The following ZNF488 variants were observed in gnomAD, a reference collection of about 807,000 sequenced individuals.
The protein encoded by ZNF488 is zinc finger protein 488.
In ZNF488, 1 loss-of-function variant was observed where a neutral mutation model predicts 1.2. The observed-to-expected ratio is 0.86, with a 90% CI of 0.30 to 4.07. The LOEUF is 4.07. Ranked by LOEUF, ZNF488 falls within the 30% of genes most tolerant of loss-of-function variation. ZNF488 has a pLI of 0.18. For missense variants in ZNF488, 450 were observed against 437.9 expected (o/e 1.03, Z -0.25); for synonymous variants, 185 against 190.1 (o/e 0.97, Z 0.22).
At chr10:47,382,570 C>G (rs896359255) in intron 1 of ZNF488, among the ~76,000 whole-genome samples, 5 of 152,170 alleles carry the variant, frequency 3.3e-5, no homozygotes, top group African/African-American at 7.2e-5. Flanking sequence ...TCCCTCCCCC[C>G]AGAATCCGCA....
In ZNF488 at chr10:47,366,467, T is replaced by C. The variant is rs1247079025; in HGVS notation, c.*1340A>G. The C allele has an allele frequency of 6.0e-6, 1 of 167,110 alleles. No homozygotes were observed. Among genetic ancestry groups the C allele is most frequent in the Non-Finnish European group, 1.5e-5 (1 of 68,196 alleles). The allele number at this position is 167,110 out of a possible 1,614,324, so 10.4% of individuals were successfully genotyped here. A position where few individuals can be genotyped will look rare whatever the true frequency, so the allele number is the denominator to read the frequency against. On this transcript the variant is annotated 3_prime_UTR_variant, in exon 2 of 2. Transcript: ENST00000585316. ...ATCCCCACCTGCTCAGCTGGGCTTATTCCCAGCCACAAGCCTGAGATCTGT... is the reference window on the plus strand; with the variant it reads ...ATCCCCACCTGCTCAGCTGGGCTTACTCCCAGCCACAAGCCTGAGATCTGT...
chr10:47,368,600 A>G lies in ZNF488; in HGVS notation c.230T>C (p.Leu77Ser). ...RDVGSAELAL[L>S]VAPGKPRPGK... The stretch of plus-strand genomic sequence containing the variant: ...AGGTCGGGGCTTGCCTGGGGCTACC[A>G]ACAGTGCCAGCTCCGCACTGCCCAC... Residue 77 changes from leucine to serine, a missense_variant, in exon 2 of 2, where the codon TTG (leucine) becomes TCG (serine). Leu to Ser is a moderately radical substitution (Grantham distance 145). Coordinates refer to ENST00000585316, the MANE Select transcript of ZNF488 (RefSeq NM_153034.4). The G allele has an allele frequency of 6.2e-7, 1 of 1,610,664 alleles. No homozygotes were observed. The highest frequency in any genetic ancestry group is 8.5e-7 in the Non-Finnish European group (1 of 1,179,852).
intron 1 of ZNF488, among the ~76,000 whole-genome samples, chr10:47,378,700 G>T (rs190016543): frequency 3.2e-4 from 49 of 152,338 alleles, no homozygotes; most frequent in African/African-American, 1.0e-3. Flanking sequence ...GGATAAATCA[G>T]AGAGAAAGCA....
rs1403942972 is a variant in ZNF488, at chr10:47,368,890, A to G, written c.-61T>C. The G allele has an allele frequency of 1.5e-5, 23 of 1,523,404 alleles. No individual in the cohort carries two copies. In the South Asian group the frequency reaches 2.6e-4, roughly 17 times the overall value. 94.4% of individuals were successfully genotyped at this position (1,523,404 alleles called of 1,614,324 possible). Reference sequence around the variant, plus strand: ...TTGGCCCAGCAAGGAGCCATGAGATATGGAAGCTCCCCATGACACTGGGCT... The same window carrying G: ...TTGGCCCAGCAAGGAGCCATGAGATGTGGAAGCTCCCCATGACACTGGGCT... On this transcript the variant is annotated 5_prime_UTR_variant, in exon 2 of 2. Transcript: ENST00000585316.
chr10:47,368,494 C>A lies in ZNF488; in HGVS notation c.336G>T (p.Gln112His), dbSNP rs1555213273. 1 of 1,613,844 alleles carries A rather than the reference C, an allele frequency of 6.2e-7. No homozygotes were observed. Among genetic ancestry groups the A allele is most frequent in the South Asian group, 1.1e-5 (1 of 91,058 alleles). The stretch of plus-strand genomic sequence containing the variant: ...CCCTCTCCTGGGCCTGAGCATCCAC[C>A]TGCCGGTCCTTCATCCTCGGCAGCT... ...FTELPRMKDR[Q>H]VDAQAQEREH... Residue 112 changes from glutamine to histidine, a missense_variant, in exon 2 of 2, where the codon CAG becomes CAT. Gln to His is a conservative substitution (Grantham distance 24, BLOSUM62 0). Coordinates refer to ENST00000585316, the MANE Select transcript of ZNF488 (RefSeq NM_153034.4).
At chr10:47,377,336 T>C (rs1837715203) in intron 1 of ZNF488, among the ~76,000 whole-genome samples, 3 of 152,148 alleles carry the variant, frequency 2.0e-5, no homozygotes, top group Admixed American at 2.0e-4. Context: ...ATCCCGGTCT[T>C]TTTTGAGCTT....
chr10:47,368,305 C>T lies in ZNF488; in HGVS notation c.525G>A (p.Glu175=). The T allele has an allele frequency of 6.2e-7, 1 of 1,614,226 alleles. No individual in the cohort carries two copies. The highest frequency in any genetic ancestry group is 1.7e-5 in the Admixed American group (1 of 60,036). ...CCCCTGCAGGGAAGACTGAGGTTAG[C>T]TCAGGCCTCTCTGCTGGTCGCTTGG... ...KPTKRPAERP[E]LTSVFPAGES... Residue 175 remains glutamate, a synonymous_variant, in exon 2 of 2, where the codon GAG becomes GAA. Coordinates refer to ENST00000585316, the MANE Select transcript of ZNF488 (RefSeq NM_153034.4).
In ZNF488 at chr10:47,368,521, C is replaced by G. The variant is rs376864541; in HGVS notation, c.309G>C (p.Thr103=). ...GCCGGTCCTTCATCCTCGGCAGCTC[C>G]GTGAAGGCGCTCTGCCTCTGCTCTC... ...TRGEQRQSAF[T]ELPRMKDRQV... The change falls in exon 2 of 2, where the codon ACG becomes ACC. Residue 103 remains threonine, a synonymous_variant. Coordinates refer to ENST00000585316, the MANE Select transcript of ZNF488 (RefSeq NM_153034.4). The G allele has an allele frequency of 4.3e-6, 7 of 1,613,660 alleles. No homozygotes were observed. The South Asian group carries it at 6.6e-5, about 15-fold the overall frequency.
rs782061773 is a variant in ZNF488 at position 47,365,888 on chromosome 10, C to A, written c.*1919G>T. 1.2e-5 allele frequency: 2 copies of A among 167,176 alleles called. No individual in the cohort carries two copies. Among genetic ancestry groups the A allele is most frequent in the African/African-American group, 2.4e-5 (1 of 41,462 alleles). The allele number at this position is 167,176 out of a possible 1,614,324, so 10.4% of individuals were successfully genotyped here. ...CAGAACACGGGAGCAGACAGTGGAA[C>A]AGCAGCGAGGTGGTATAGCGGGGTC... is the stretch of plus-strand genomic sequence containing the variant. On this transcript the variant is annotated 3_prime_UTR_variant, in exon 2 of 2. Coordinates refer to ENST00000585316, the MANE Select transcript of ZNF488 (RefSeq NM_153034.4).
rs1837318931 is a variant in ZNF488 at position 47,368,449 on chromosome 10, G to C, written c.381C>G (p.Gly127=). ...AQEREHDDPT[G]QPGAPQLTQN... is the part of the protein sequence containing the mutation. ...GGGTCAGCTGTGGGGCACCAGGTTGGCCTGTGGGGTCATCGTGCTCCCTCT... is the reference window on the plus strand; with the variant it reads ...GGGTCAGCTGTGGGGCACCAGGTTGCCCTGTGGGGTCATCGTGCTCCCTCT... The change falls in exon 2 of 2, where the codon GGC becomes GGG. Residue 127 remains glycine, a synonymous_variant. Transcript: ENST00000585316. 1 of 1,614,088 alleles carries C rather than the reference G, an allele frequency of 6.2e-7. No homozygotes were observed. The highest frequency in any genetic ancestry group is 8.5e-7 in the Non-Finnish European group (1 of 1,180,032).
At chr10:47,370,110 G>C (rs1837408646) in intron 1 of ZNF488, among the ~76,000 whole-genome samples, 2 of 152,212 alleles carry the variant, frequency 1.3e-5, no homozygotes, top group African/African-American at 4.8e-5. Flanking sequence ...TTCCCATAGG[G>C]CCAAGGGAGG....
chr10:47,369,129 G>A (rs1200263843), intron 1 of ZNF488, among the ~76,000 whole-genome samples, 192 bp from the exon 2 acceptor site: 1 of 152,358 alleles, frequency 6.6e-6, no homozygotes, highest in East Asian at 1.9e-4. Flanking sequence ...CCACCTCCCT[G>A]AGGCAGAGTA....
In ZNF488 at chr10:47,366,459, TG is replaced by T. The variant is rs1565773278; in HGVS notation, c.*1347del. 1 of 167,152 alleles carries T rather than the reference TG, an allele frequency of 6.0e-6. No individual in the cohort carries two copies. Among genetic ancestry groups the T allele is most frequent in the Non-Finnish European group, 1.5e-5 (1 of 68,224 alleles). The allele number at this position is 167,152 out of a possible 1,614,324, so 10.4% of individuals were successfully genotyped here. On this transcript the variant is annotated 3_prime_UTR_variant, in exon 2 of 2. Coordinates refer to ENST00000585316, the MANE Select transcript of ZNF488 (RefSeq NM_153034.4). ...TGGCTGAGATCCCCACCTGCTCAGC[TG>T]GGCTTATTCCCAGCCACAAGCCTGA...
At chr10:47,382,688 A>G (rs1384940088) in intron 1 of ZNF488, among the ~76,000 whole-genome samples, 1 of 152,214 alleles carries the variant, frequency 6.6e-6, no homozygotes, top group Non-Finnish European at 1.5e-5. Flanking sequence ...TGTCCAAAAT[A>G]TCTAGCATAT....
At chr10:47,371,195 G>T (rs1027969776) in intron 1 of ZNF488, among the ~76,000 whole-genome samples, 2 of 152,206 alleles carry the variant, frequency 1.3e-5, no homozygotes, top group Non-Finnish European at 2.9e-5. Context: ...AGAGTGCCCG[G>T]GGAGGGGCAG....
chr10:47,381,206 A>G lies in ZNF488; in HGVS notation c.-109+3014T>C, dbSNP rs1250430720. 2.6e-5 allele frequency among the ~76,000 whole-genome samples: 4 copies of G among 152,300 alleles called. No homozygotes were observed. In the East Asian group the frequency reaches 7.7e-4, roughly 29 times the overall value. On this transcript the variant is annotated intron_variant, in intron 1 of 1. Coordinates refer to ENST00000585316, the MANE Select transcript of ZNF488 (RefSeq NM_153034.4). ...TGTTCTGAGCTGCAGGTCAGGCACC[A>G]GATCTTATTCAGAGACACCATGTAC...
At position 47,365,763 on chromosome 10, in the gene ZNF488, A is replaced by C. The variant is rs1411593252; in HGVS notation, c.*2044T>G. ...CCTCTCTAAGGAGCTGACCTGCGAG[A>C]AGAAGCCCTGTGGAACCATAGCAGG... On this transcript the variant is annotated 3_prime_UTR_variant, in exon 2 of 2. Coordinates refer to ENST00000585316, the MANE Select transcript of ZNF488 (RefSeq NM_153034.4). 5 of 167,164 alleles carry C rather than the reference A, an allele frequency of 3.0e-5. No individual in the cohort carries two copies. Among genetic ancestry groups the C allele is most frequent in the Non-Finnish European group, 5.9e-5 (4 of 68,166 alleles). The allele number at this position is 167,164 out of a possible 1,614,324, so 10.4% of individuals were successfully genotyped here.
intron 1 of ZNF488, among the ~76,000 whole-genome samples, chr10:47,371,615 T>A: frequency 2.0e-5 from 3 of 152,214 alleles, no homozygotes; most frequent in Admixed American, 2.0e-4. Flanking sequence ...TATTTTAGCA[T>A]TTTGTTTTGT....
Position 47,367,555 on chromosome 10 carries a change from C to T in ZNF488, c.*252G>A, listed in dbSNP as rs1455596834. The T allele has an allele frequency of 3.6e-6, 2 of 549,418 alleles. No homozygotes were observed. Among genetic ancestry groups the T allele is most frequent in the Non-Finnish European group, 6.5e-6 (2 of 305,792 alleles). 34.0% of individuals were successfully genotyped at this position (549,418 alleles called of 1,614,324 possible). A position where few individuals can be genotyped will look rare whatever the true frequency, so the allele number is the denominator to read the frequency against. On this transcript the variant is annotated 3_prime_UTR_variant, in exon 2 of 2. Coordinates refer to ENST00000585316, the MANE Select transcript of ZNF488 (RefSeq NM_153034.4). ...CCCATGATGTGTGCCAGGAGTTGCCCCTGCTCTCTGTGCCTGTTAGGGCCT... is the reference window on the plus strand; with the variant it reads ...CCCATGATGTGTGCCAGGAGTTGCCTCTGCTCTCTGTGCCTGTTAGGGCCT...
Sources: allele counts gnomAD v4.1 joint callset (sites outside exome capture counted in the v4.1 genomes callset), GRCh38; gene constraint gnomAD v4.1.1; transcripts MANE v1.5; gene names NCBI Gene and HGNC (gene_info 2026-07-23, HGNC 2026-07-21).